Variants in FAAH2 observed in about 807,000 individuals in gnomAD.
FAAH2 encodes fatty-acid amide hydrolase 2.
In FAAH2, 60 loss-of-function variants were observed where a neutral mutation model predicts 36.9. The ratio of observed to expected loss-of-function variants is 1.63; its 90% CI spans 1.32 to 2.02. The LOEUF is 2.02. Among genes scored for constraint, FAAH2 ranks in the 30% most tolerant of loss-of-function variants. The pLI, the probability that FAAH2 is intolerant of heterozygous loss-of-function variation, is 0.00. For missense variants in FAAH2, 689 were observed against 397.5 expected, an observed-to-expected ratio of 1.73 and a Z score of -6.23; for synonymous variants, 214 against 143.8, an observed-to-expected ratio of 1.49 and a Z score of -3.49.
chrX:57,136,322 A>G, the FAAH2 span: 8 of 1,148,287 alleles, frequency 7.0e-6, no homozygotes. Flanking sequence ...GTCCATAGAC[A>G]CAGTCAATTC....
intron 10 of FAAH2, among the ~76,000 whole-genome samples, chrX:57,460,531 A>G (rs1024889562): frequency 8.9e-6 from 1 of 111,902 alleles, no homozygotes; most frequent in African/African-American, 3.3e-5. Flanking sequence ...TTAACTCAGA[A>G]TTTCTTATCC....
intron 10 of FAAH2, among the ~76,000 whole-genome samples, chrX:57,477,085 T>A (rs1208286228): frequency 6.3e-5 from 7 of 111,089 alleles, no homozygotes; most frequent in Non-Finnish European, 1.3e-4. Flanking sequence ...TTGTTTGTTC[T>A]CTATTTTTTT....
chrX:57,461,120 A>C (rs4475645), intron 10 of FAAH2, among the ~76,000 whole-genome samples: 1 of 107,727 alleles, frequency 9.3e-6, no homozygotes, highest in Non-Finnish European at 1.9e-5. Flanking sequence ...ACATACATGC[A>C]CCCAATACAG....
chrX:57,202,230 A>C, the FAAH2 span, among the ~76,000 whole-genome samples: 1 of 111,813 alleles, frequency 8.9e-6, no homozygotes, highest in Non-Finnish European at 1.9e-5. Context: ...TTGAAAAGTT[A>C]AGTATTTGTT....
chrX:57,364,722 C>T (rs905176799), intron 5 of FAAH2, among the ~76,000 whole-genome samples: 3 of 110,198 alleles, frequency 2.7e-5, no homozygotes, highest in African/African-American at 9.9e-5. Context: ...ACAGGTTTTC[C>T]CTGTGTCCCA....
At chrX:57,290,198 CTT>C (rs767292820) in intron 1 of FAAH2, 1,570 of 543,441 alleles carry the variant, frequency 2.9e-3, no homozygotes, top group Non-Finnish European at 3.1e-3. Context: ...CTAACCCCTG[CTT>C]TTTTTTTTTT....
intron 2 of FAAH2, among the ~76,000 whole-genome samples, chrX:57,292,838 A>C (rs1355942444): frequency 8.9e-6 from 1 of 111,966 alleles, no homozygotes; most frequent in Non-Finnish European, 1.9e-5. Flanking sequence ...CATATCCAAC[A>C]TCCAGAACAA....
chrX:57,205,442 A>G, the FAAH2 span, among the ~76,000 whole-genome samples: 1 of 112,566 alleles, frequency 8.9e-6, no homozygotes, highest in South Asian at 3.7e-4. Flanking sequence ...GCTGTTTGCA[A>G]TTGGGTAAAT....
At chrX:57,192,328 C>G in the FAAH2 span, among the ~76,000 whole-genome samples, 2 of 111,090 alleles carry the variant, frequency 1.8e-5, no homozygotes, top group African/African-American at 6.6e-5. Context: ...TAAATATTAT[C>G]AGTTTGAATA....
At chrX:57,180,637 C>T in the FAAH2 span, among the ~76,000 whole-genome samples, 1 of 110,745 alleles carries the variant, frequency 9.0e-6, no homozygotes, top group African/African-American at 3.3e-5. Context: ...GCCTGCCAAC[C>T]AAACAACAAC....
At chrX:57,357,416 C>T (rs1286929545) in intron 5 of FAAH2, among the ~76,000 whole-genome samples, 3 of 111,259 alleles carry the variant, frequency 2.7e-5, no homozygotes, top group East Asian at 5.7e-4. Flanking sequence ...AATGGGAGAA[C>T]ATTTTTGCAA....
At chrX:57,148,569 A>T in the FAAH2 span, among the ~76,000 whole-genome samples, 1 of 111,209 alleles carries the variant, frequency 9.0e-6, no homozygotes, top group Admixed American at 9.6e-5. Flanking sequence ...TTTGTCTGTT[A>T]TTGGTGTATA....
intron 10 of FAAH2, among the ~76,000 whole-genome samples, chrX:57,483,298 G>A (rs1156782706): frequency 9.0e-6 from 1 of 111,211 alleles, no homozygotes; most frequent in Non-Finnish European, 1.9e-5. Flanking sequence ...ACTTGGTCTA[G>A]TCTATTATTA....
At chrX:57,154,463 G>T in the FAAH2 span, among the ~76,000 whole-genome samples, 1 of 108,595 alleles carries the variant, frequency 9.2e-6, no homozygotes, top group African/African-American at 3.4e-5. Flanking sequence ...AGTAGAGACA[G>T]GGTTTCACCA....
chrX:57,308,110 G>A (rs1288619757), intron 2 of FAAH2, among the ~76,000 whole-genome samples: 1 of 111,341 alleles, frequency 9.0e-6, no homozygotes, highest in Admixed American at 9.6e-5. Flanking sequence ...ACATACAAAT[G>A]CAAGTGTCTT....
At chrX:57,439,410 G>C (rs185027889) in intron 8 of FAAH2, among the ~76,000 whole-genome samples, 12 of 111,934 alleles carry the variant, frequency 1.1e-4, no homozygotes, top group Admixed American at 5.7e-4. Flanking sequence ...CTTTTGAGAA[G>C]TGTCTGTTCA....
chrX:57,214,677 T>G, the FAAH2 span, among the ~76,000 whole-genome samples: 1 of 111,714 alleles, frequency 9.0e-6, no homozygotes, highest in Admixed American at 9.5e-5. Context: ...TCTGCCTGAT[T>G]AATTGTTACA....
the FAAH2 span, among the ~76,000 whole-genome samples, chrX:57,150,645 T>C: frequency 8.9e-6 from 1 of 112,083 alleles, no homozygotes; most frequent in East Asian, 2.8e-4. Flanking sequence ...ATTTTGAGCC[T>C]ATGTGTATCT....
intron 9 of FAAH2, among the ~76,000 whole-genome samples, chrX:57,447,301 G>T (rs1158960651): frequency 2.7e-5 from 3 of 111,245 alleles, no homozygotes; most frequent in African/African-American, 9.8e-5. Flanking sequence ...GCTTTCATGT[G>T]TTGGCATTGA....
Sources: gnomAD v4.1 joint callset for allele counts (sites outside exome capture counted in the v4.1 genomes callset) on GRCh38, gnomAD v4.1.1 for gene constraint, MANE v1.5 for transcripts, NCBI Gene and HGNC (gene_info 2026-07-23, HGNC 2026-07-21) for gene names.